The following MCF2L variants were observed in gnomAD, a reference collection of about 807,000 sequenced individuals.
MCF2L encodes MCF.2 cell line derived transforming sequence like.
Under a neutral mutation model 153.4 loss-of-function variants are expected in MCF2L, and 97 were observed. The observed-to-expected ratio is 0.63, with a 90% CI of 0.54 to 0.75. MCF2L has a LOEUF of 0.75. Ranked by LOEUF, MCF2L falls within the 30% of genes least tolerant of loss-of-function variation. MCF2L has a pLI of 0.00. For missense variants in MCF2L, 1,347 were observed against 1,495.2 expected, an observed-to-expected ratio of 0.90 and a Z score of 1.64; for synonymous variants, 659 against 632.2, an observed-to-expected ratio of 1.04 and a Z score of -0.64.
At chr13:113,083,176 G>A (rs2034313987) in intron 17 of MCF2L, among the ~76,000 whole-genome samples, 2 of 152,178 alleles carry the variant, frequency 1.3e-5, no homozygotes, top group Admixed American at 1.3e-4. Context: ...ATGCCAGGGA[G>A]GCTGCAGTGG....
At chr13:113,030,760 G>A (rs987329857) in intron 3 of MCF2L, among the ~76,000 whole-genome samples, 1 of 152,226 alleles carries the variant, frequency 6.6e-6, no homozygotes, top group African/African-American at 2.4e-5. Context: ...TAGGAGCCAA[G>A]GTCTCAGAGA....
Position 113,070,148 on chromosome 13 carries a change from G to T in MCF2L, c.971G>T (p.Arg324Leu). Residue 324 changes from arginine (R) to leucine (L), a missense_variant, in exon 9 of 30, where the codon CGG (arginine) becomes CTG (leucine). Transcript: ENST00000535094. The surrounding 1 kb of genome is among the most constrained non-coding windows in gnomAD (Gnocchi z 5.6). ...AAACTGGAGCAGTGTCTGCAGCTCC[G>T]GCACTTTGAGCAGGGCTTCCGGGAG... ...QQKLEQCLQL[R>L]HFEQGFREVK... The T allele has an allele frequency of 6.2e-7, 1 of 1,602,672 alleles. No individual in the cohort carries two copies. The highest frequency in any genetic ancestry group is 8.5e-7 in the Non-Finnish European group (1 of 1,176,072).
At chr13:113,088,269 A>C in intron 23 of MCF2L, 58 bp from the exon 24 acceptor site, 1 of 1,380,470 alleles carries the variant, frequency 7.2e-7, no homozygotes, top group Non-Finnish European at 1.0e-6. Context: ...GTGAAACCAA[A>C]GCGTGTTTCC....
intron 2 of MCF2L, among the ~76,000 whole-genome samples, chr13:112,919,754 T>C (rs1039346553): frequency 6.6e-5 from 10 of 152,232 alleles, no homozygotes; most frequent in Non-Finnish European, 1.2e-4. Flanking sequence ...GTTACACTCT[T>C]GATAACAGTA....
At chr13:112,927,203 A>T (rs991663151) in intron 2 of MCF2L, among the ~76,000 whole-genome samples, 4 of 152,244 alleles carry the variant, frequency 2.6e-5, no homozygotes, top group Admixed American at 6.5e-5. Flanking sequence ...GTATCTAGCG[A>T]GGTCATAGAC....
chr13:113,074,298 C>A lies in MCF2L; in HGVS notation c.997-146C>A. On this transcript the variant is annotated intron_variant, in intron 9 of 29. Coordinates refer to ENST00000535094, the MANE Select transcript of MCF2L (RefSeq NM_001112732.3). This position sits in a 1 kb window ranked among gnomAD's most constrained non-coding sequence, Gnocchi z 4.2. Reference sequence around the variant, plus strand: ...GTGACCACTCGGGGCCGACTTTGCACCTGTCTGACTGTGGTCCCTGCTTGA... The same window carrying A: ...GTGACCACTCGGGGCCGACTTTGCAACTGTCTGACTGTGGTCCCTGCTTGA... The A allele has an allele frequency of 9.8e-7, 1 of 1,025,226 alleles. No individual in the cohort carries two copies. Among genetic ancestry groups the A allele is most frequent in the Non-Finnish European group, 1.4e-6 (1 of 691,414 alleles). 63.5% of individuals were successfully genotyped at this position (1,025,226 alleles called of 1,614,324 possible). A position where few individuals can be genotyped will look rare whatever the true frequency, so the allele number is the denominator to read the frequency against.
chr13:113,027,241 C>A lies in MCF2L; in HGVS notation c.278+2483C>A, dbSNP rs542316994. Among the ~76,000 whole-genome samples the A allele has an allele frequency of 2.1e-3, 313 of 152,276 alleles. No homozygotes were observed. The highest frequency in any genetic ancestry group is 3.5e-3 in the Non-Finnish European group (237 of 68,030). On this transcript the variant is annotated intron_variant, in intron 3 of 29. Coordinates refer to ENST00000535094, the MANE Select transcript of MCF2L (RefSeq NM_001112732.3). The surrounding 1 kb of genome is among the most constrained non-coding windows in gnomAD (Gnocchi z 4.8). ...CTGAGAGCTCAGCCCGTCGGCCTGA[C>A]CTGGAAAGCAGCACATTGATCCCCT...
rs2081147245 is a variant in MCF2L, at chr13:112,904,098, A to G, written c.169+1727A>G. The stretch of plus-strand genomic sequence containing the variant: ...CCCTGAGCGCCCAAGTCTCGCGTGG[A>G]CCAGCTCTGGGGACTGAGGAGCTGG... On this transcript the variant is annotated intron_variant, in intron 2 of 29. Coordinates refer to the MCF2L transcript ENST00000375608. The surrounding 1 kb of genome is among the most constrained non-coding windows in gnomAD (Gnocchi z 4.2). Among the ~76,000 whole-genome samples the G allele has an allele frequency of 6.6e-6, 1 of 150,712 alleles. No individual in the cohort carries two copies. The highest frequency in any genetic ancestry group is 1.5e-5 in the Non-Finnish European group (1 of 67,648).
At position 113,051,207 on chromosome 13, in the gene MCF2L, G is replaced by A. The variant is rs946804013; in HGVS notation, c.369+5846G>A. 2.0e-5 allele frequency among the ~76,000 whole-genome samples: 3 copies of A among 152,150 alleles called. No individual in the cohort carries two copies. The East Asian group carries it at 5.8e-4, about 29-fold the overall frequency. On this transcript the variant is annotated intron_variant, in intron 4 of 29. Coordinates refer to ENST00000535094, the MANE Select transcript of MCF2L (RefSeq NM_001112732.3). ...AAATGCGTTTCAGCGCACCCTGCGC[G>A]TTCACCAACCGCCGATTACAGGGGA...
chr13:112,919,955 T>C (rs1011481520), intron 2 of MCF2L, among the ~76,000 whole-genome samples: 10 of 152,254 alleles, frequency 6.6e-5, no homozygotes, highest in Non-Finnish European at 1.5e-4. Context: ...GATGTCTCTT[T>C]CCTTCTTTTC....
At chr13:112,981,862 C>T (rs2082440944) in intron 1 of MCF2L, among the ~76,000 whole-genome samples, 1 of 152,274 alleles carries the variant, frequency 6.6e-6, no homozygotes, top group South Asian at 2.1e-4. Flanking sequence ...CCAGCCCTGG[C>T]TGTCTCCCTC....
chr13:113,040,897 A>G (rs953425371), intron 3 of MCF2L: 26 of 152,362 alleles, frequency 1.7e-4, no homozygotes, highest in Admixed American at 1.6e-3. Flanking sequence ...TGGGGCTCCC[A>G]AGGTCACGAG....
chr13:113,010,198 C>G (rs752187518), intron 1 of MCF2L: 3 of 151,778 alleles, frequency 2.0e-5, no homozygotes, highest in Non-Finnish European at 4.4e-5. Flanking sequence ...CGAGGTCACC[C>G]TGGGCTGGAA....
chr13:112,909,436 A>G, intron 2 of MCF2L: 3 of 689,270 alleles, frequency 4.4e-6, no homozygotes, highest in East Asian at 2.5e-5. Context: ...AGGCCTGAGC[A>G]TTCACCCCAG....
At chr13:113,075,363 A>G (rs1594941259) in intron 11 of MCF2L, among the ~76,000 whole-genome samples, 174 bp downstream of exon 11, 1 of 146,042 alleles carries the variant, frequency 6.8e-6, no homozygotes, top group East Asian at 2.1e-4. Context: ...TCTAGAATTC[A>G]TTTGCCACAG....
At chr13:112,901,448 G>A (rs1214468923) in intron 1 of MCF2L, among the ~76,000 whole-genome samples, 1 of 152,152 alleles carries the variant, frequency 6.6e-6, no homozygotes, top group East Asian at 1.9e-4. Context: ...GCCACAATAC[G>A]GTTTATTTAA....
chr13:112,905,058 G>A (rs1406242457), intron 2 of MCF2L, among the ~76,000 whole-genome samples: 1 of 152,138 alleles, frequency 6.6e-6, no homozygotes, highest in Non-Finnish European at 1.5e-5. Context: ...CTGAAACTCT[G>A]TCCCCATTAA....
At chr13:112,902,354 C>T (rs577746082) in exon 2 of MCF2L, 28 of 1,612,468 alleles carry the variant, frequency 1.7e-5, no homozygotes, top group Admixed American at 1.2e-4. Context: ...ACACCGGAGG[C>T]GACGGCCATG....
intron 26 of MCF2L, chr13:113,091,083 C>G: frequency 3.1e-6 from 4 of 1,304,308 alleles, no homozygotes; most frequent in Non-Finnish European, 4.0e-6. Flanking sequence ...TTCACACTCT[C>G]TCTCCGGTTG....
Sources: gnomAD v4.1 joint callset for allele counts (sites outside exome capture counted in the v4.1 genomes callset) on GRCh38, gnomAD v4.1.1 for gene constraint, Gnocchi (gnomAD v3.1) non-coding constraint, MANE v1.5 for transcripts, NCBI Gene and HGNC (gene_info 2026-07-23, HGNC 2026-07-21) for gene names.